Variants in ARB2A observed in about 807,000 individuals in gnomAD.
ARB2A encodes the protein ARB2 cotranscriptional regulator A.
At chr5:93,789,176 T>C in the ARB2A span, among the ~76,000 whole-genome samples, 3 of 152,362 alleles carry the variant, frequency 2.0e-5, no homozygotes, top group East Asian at 5.8e-4. Flanking sequence ...AATTATGACA[T>C]GTGTTACACA....
the ARB2A span, among the ~76,000 whole-genome samples, chr5:93,883,924 TACACACACACACACAC>T: frequency 6.0e-5 from 8 of 133,904 alleles, no homozygotes; most frequent in Non-Finnish European, 9.7e-5. Context: ...CACATACACA[TACACACACACACACAC>T]ACACACACAC....
the ARB2A span, among the ~76,000 whole-genome samples, chr5:93,893,971 C>G: frequency 6.6e-6 from 1 of 152,180 alleles, no homozygotes; most frequent in Non-Finnish European, 1.5e-5. Context: ...AGGCACTCAG[C>G]AGCTAAACTT....
the ARB2A span, among the ~76,000 whole-genome samples, chr5:93,801,094 A>T: frequency 1.3e-5 from 2 of 151,940 alleles, no homozygotes; most frequent in East Asian, 3.9e-4. Context: ...AATCACACTA[A>T]CTCTTGAATG....
At chr5:93,946,704 G>A in the ARB2A span, among the ~76,000 whole-genome samples, 3 of 152,240 alleles carry the variant, frequency 2.0e-5, no homozygotes, top group South Asian at 4.1e-4. Flanking sequence ...AACAGGTAGC[G>A]ATGGATTAGG....
At chr5:94,072,485 C>T in the ARB2A span, among the ~76,000 whole-genome samples, 2 of 151,986 alleles carry the variant, frequency 1.3e-5, no homozygotes, top group Non-Finnish European at 2.9e-5. Flanking sequence ...TAAGATGTTA[C>T]CATTAGGCTA....
the ARB2A span, among the ~76,000 whole-genome samples, chr5:93,826,968 G>A: frequency 6.6e-6 from 1 of 151,898 alleles, no homozygotes; most frequent in Non-Finnish European, 1.5e-5. Flanking sequence ...GTGTATATGT[G>A]CCACGTTTTT....
At chr5:93,663,007 T>A in the ARB2A span, among the ~76,000 whole-genome samples, 1 of 152,040 alleles carries the variant, frequency 6.6e-6, no homozygotes, top group Admixed American at 6.6e-5. Flanking sequence ...AGGGACAAAC[T>A]CCCTCCATCA....
the ARB2A span, among the ~76,000 whole-genome samples, chr5:93,853,672 T>G: frequency 6.6e-6 from 1 of 152,346 alleles, no homozygotes; most frequent in East Asian, 1.9e-4. Flanking sequence ...CATGAAGGGT[T>G]GTTGAATGTT....
chr5:93,780,712 A>T, the ARB2A span, among the ~76,000 whole-genome samples: 3 of 152,126 alleles, frequency 2.0e-5, no homozygotes, highest in South Asian at 6.2e-4. Flanking sequence ...GGCGCCTGCC[A>T]CCACGCCTGG....
At chr5:93,755,799 G>A in the ARB2A span, among the ~76,000 whole-genome samples, 2 of 152,188 alleles carry the variant, frequency 1.3e-5, no homozygotes, top group Non-Finnish European at 2.9e-5. Context: ...GCAGCCAGAG[G>A]AGCAGGGGAT....
the ARB2A span, among the ~76,000 whole-genome samples, chr5:93,845,217 T>G: frequency 1.3e-5 from 2 of 152,244 alleles, no homozygotes; most frequent in African/African-American, 4.8e-5. Context: ...TTTCATCTAA[T>G]AGTAGAAATA....
At chr5:94,048,894 G>C in the ARB2A span, among the ~76,000 whole-genome samples, 6 of 152,172 alleles carry the variant, frequency 3.9e-5, no homozygotes, top group African/African-American at 1.2e-4. Context: ...AGCTGTCAAA[G>C]TCTTTGCTCA....
the ARB2A span, among the ~76,000 whole-genome samples, chr5:93,622,277 G>A: frequency 1.3e-5 from 2 of 152,102 alleles, no homozygotes; most frequent in Non-Finnish European, 2.9e-5. Flanking sequence ...ATTATGCAGA[G>A]AGATACCGCT....
At chr5:93,982,694 T>A in the ARB2A span, among the ~76,000 whole-genome samples, 2 of 152,342 alleles carry the variant, frequency 1.3e-5, no homozygotes, top group East Asian at 3.9e-4. Flanking sequence ...TACAAACTTG[T>A]ACAGTATGAT....
the ARB2A span, among the ~76,000 whole-genome samples, chr5:93,768,431 C>G: frequency 1.3e-5 from 2 of 150,992 alleles, no homozygotes; most frequent in Non-Finnish European, 2.9e-5. Flanking sequence ...AACCAGTCAC[C>G]TGACATAGAT....
At chr5:93,767,814 A>G in the ARB2A span, among the ~76,000 whole-genome samples, 14 of 151,652 alleles carry the variant, frequency 9.2e-5, no homozygotes, top group South Asian at 2.7e-3. Context: ...CTAACACGGC[A>G]AAACCCCGTC....
chr5:94,059,404 C>A, the ARB2A span, among the ~76,000 whole-genome samples: 2 of 151,798 alleles, frequency 1.3e-5, no homozygotes, highest in African/African-American at 4.8e-5. Context: ...GGGTAGATCA[C>A]TTGAGGTCAG....
At chr5:94,066,243 A>G in the ARB2A span, among the ~76,000 whole-genome samples, 1 of 152,144 alleles carries the variant, frequency 6.6e-6, no homozygotes, top group Non-Finnish European at 1.5e-5. Flanking sequence ...TCAAAAAAGT[A>G]GAAAGATTTC....
At chr5:93,830,851 T>C in the ARB2A span, among the ~76,000 whole-genome samples, 2 of 152,126 alleles carry the variant, frequency 1.3e-5, no homozygotes, top group Non-Finnish European at 2.9e-5. Flanking sequence ...TAATATATAA[T>C]GACATAATTA....
Sources: allele counts gnomAD v4.1 joint callset (sites outside exome capture counted in the v4.1 genomes callset), GRCh38; gene constraint gnomAD v4.1.1; transcripts MANE v1.5; gene names NCBI Gene and HGNC (gene_info 2026-07-23, HGNC 2026-07-21).